The following USHBP1 variants were observed in gnomAD, a reference collection of about 807,000 sequenced individuals.
USHBP1 encodes the protein USH1 protein network component harmonin binding protein 1.
USHBP1 carries 67 observed loss-of-function variants against 76.2 expected under a neutral mutation model. That is an observed-to-expected ratio of 0.88 (90% CI 0.72 to 1.08). The LOEUF (loss-of-function observed/expected upper bound fraction) is 1.08. Among genes scored for constraint, USHBP1 ranks in the 50% least tolerant of loss-of-function variants. The pLI is 0.00. For missense variants in USHBP1, 931 were observed against 915.0 expected, an observed-to-expected ratio of 1.02 and a Z score of -0.23; for synonymous variants, 322 against 362.2, an observed-to-expected ratio of 0.89 and a Z score of 1.26.
chr19:17,264,646 A>C (rs900589304), intron 1 of USHBP1, 25 bp downstream of exon 1: 20 of 339,950 alleles, frequency 5.9e-5, no homozygotes, highest in African/African-American at 3.8e-4. Flanking sequence ...CGGCCCTCCT[A>C]AATGAGAGGT....
intron 10 of USHBP1, among the ~76,000 whole-genome samples, chr19:17,254,943 A>G (rs549813626): frequency 3.3e-5 from 5 of 152,082 alleles, no homozygotes; most frequent in African/African-American, 4.8e-5. Context: ...GCAGGGACAC[A>G]GAATATACAA....
Position 17,251,693 on chromosome 19 carries a change from A to T in USHBP1, c.1811T>A (p.Leu604Gln). Reference sequence around the variant, plus strand: ...GCGCAGAGACTGCAGCTGCTCCTGCAGGTCCAGTGTCCTGTTGCGAAGGAG... The same window carrying T: ...GCGCAGAGACTGCAGCTGCTCCTGCTGGTCCAGTGTCCTGTTGCGAAGGAG... The part of the protein sequence containing the change: ...LAASLTRTLD[L>Q]QEQLQSLRRE... The change falls in exon 12 of 13, where the codon CTG (leucine) becomes CAG (glutamine). Residue 604 changes from leucine to glutamine, a missense_variant. Coordinates refer to ENST00000252597, the MANE Select transcript of USHBP1 (RefSeq NM_031941.4). 1 of 1,613,394 alleles carries T rather than the reference A, an allele frequency of 6.2e-7. No homozygotes were observed. The highest frequency in any genetic ancestry group is 8.5e-7 in the Non-Finnish European group (1 of 1,179,990).
intron 10 of USHBP1, among the ~76,000 whole-genome samples, chr19:17,253,910 G>C: frequency 7.6e-6 from 1 of 131,952 alleles, no homozygotes. Context: ...AAAAAAAAAA[G>C]AAAAAAAAAA....
chr19:17,261,544 C>T (rs181798901), intron 4 of USHBP1, among the ~76,000 whole-genome samples: 1 of 151,570 alleles, frequency 6.6e-6, no homozygotes, highest in Non-Finnish European at 1.5e-5. Context: ...CCGTGTTAGC[C>T]AGGATGGTCT....
At position 17,260,040 on chromosome 19, in the gene USHBP1, G is replaced by T; in HGVS notation, c.643-18C>A. 1 of 1,609,186 alleles carries T rather than the reference G, an allele frequency of 6.2e-7. No individual in the cohort carries two copies. Among genetic ancestry groups the T allele is most frequent in the Non-Finnish European group, 8.5e-7 (1 of 1,176,494 alleles). On this transcript the variant is annotated intron_variant, in intron 4 of 12. Coordinates refer to ENST00000252597, the MANE Select transcript of USHBP1 (RefSeq NM_031941.4). ...TCTTGAACCTGGGAAAGATGAGGGG[G>T]ACGTCAGGCCTAGGGGCTCAAACCA...
At position 17,264,166 on chromosome 19, in the gene USHBP1, G is replaced by A. The variant is rs199944824; in HGVS notation, c.55-16C>T. 196 of 1,612,350 alleles carry A rather than the reference G, an allele frequency of 1.2e-4. No homozygotes were observed. Among genetic ancestry groups the A allele is most frequent in the South Asian group, 2.1e-4 (19 of 90,830 alleles). On this transcript the variant is annotated splice_polypyrimidine_tract_variant and intron_variant, in intron 2 of 12. Coordinates refer to ENST00000252597, the MANE Select transcript of USHBP1 (RefSeq NM_031941.4). ...CCAGTTCACCCTGCAAATGACCCCCGGGGCCCTGCTCTGAGCCAGGCAGGA... is the reference window on the plus strand; with the variant it reads ...CCAGTTCACCCTGCAAATGACCCCCAGGGCCCTGCTCTGAGCCAGGCAGGA...
rs150945909 is a variant in USHBP1, at chr19:17,250,829, C to T, written c.1923-415G>A. On this transcript the variant is annotated intron_variant, in intron 12 of 12. Coordinates refer to ENST00000252597, the MANE Select transcript of USHBP1 (RefSeq NM_031941.4). ...TCAGCCTCCCAAAGTGCTGGGATTA[C>T]AGGCGTGAGCCACCATGCCCAGCCT... 6.6e-3 allele frequency among the ~76,000 whole-genome samples: 1,004 copies of T among 152,192 alleles called. 13 individuals are homozygous for T. Among genetic ancestry groups the T allele is most frequent in the African/African-American group, 0.022 (933 of 41,526 alleles).
intron 7 of USHBP1, 90 bp from the exon 8 acceptor site, chr19:17,258,475 G>A (rs974861657): frequency 1.3e-5 from 18 of 1,435,096 alleles, no homozygotes; most frequent in Middle Eastern, 2.3e-4. Flanking sequence ...TTGGGAGGCT[G>A]AGGCGGGAGG....
At chr19:17,253,332 A>C (rs2073577392) in intron 10 of USHBP1, among the ~76,000 whole-genome samples, 3 of 131,678 alleles carry the variant, frequency 2.3e-5, no homozygotes, top group Non-Finnish European at 3.1e-5. Flanking sequence ...CTCGTCGCCC[A>C]GGCTGGAGTG....
intron 8 of USHBP1, among the ~76,000 whole-genome samples, chr19:17,257,642 C>CAAAAAAAAAAAAAAAAAAAAAA (rs778148447): frequency 2.5e-5 from 1 of 39,574 alleles, no homozygotes; most frequent in Non-Finnish European, 5.0e-5. Context: ...AACTCTGTCT[C>CAAAAAAAAAAAAAAAAAAAAAA]AAAAAAAAAA....
At chr19:17,261,153 C>G (rs74972358) in intron 4 of USHBP1, among the ~76,000 whole-genome samples, 28,483 of 151,832 alleles carry the variant, frequency 0.19, 2,933 homozygotes, top group East Asian at 0.28. Flanking sequence ...GCCCACGAGG[C>G]CCTACGCGAT....
Position 17,264,291 on chromosome 19 carries a change from G to A in USHBP1, c.9C>T (p.Ala3=), listed in dbSNP as rs1271384622. ...GCCGGCTTCGGGGCCGCGTGGCCCG[G>A]GCACTCATTGCTGTCCAGAAGCCAG... MS[A]RATRPRSRRG... Residue 3 remains alanine (A), a synonymous_variant, in exon 2 of 13, where the codon GCC becomes GCT. Transcript: ENST00000252597. 1 of 1,612,386 alleles carries A rather than the reference G, an allele frequency of 6.2e-7. No individual in the cohort carries two copies. The highest frequency in any genetic ancestry group is 1.7e-5 in the Admixed American group (1 of 59,912).
chr19:17,260,144 C>T (rs532317914), intron 4 of USHBP1, 122 bp from the exon 5 acceptor site: 101 of 1,287,090 alleles, frequency 7.8e-5, no homozygotes, highest in Non-Finnish European at 9.6e-5. Flanking sequence ...GGCTTGGATA[C>T]TTAGCCTGCC....
chr19:17,253,894 CAAA>C (rs755318665), intron 10 of USHBP1, among the ~76,000 whole-genome samples: 7 of 87,278 alleles, frequency 8.0e-5, no homozygotes, highest in Non-Finnish European at 9.6e-5. Flanking sequence ...ATCCGTTTCC[CAAA>C]AAAAAAAAAA....
intron 8 of USHBP1, among the ~76,000 whole-genome samples, chr19:17,257,283 G>A (rs1190549189): frequency 1.5e-4 from 21 of 144,712 alleles, no homozygotes; most frequent in African/African-American, 4.3e-4. Flanking sequence ...TGCCCACCTC[G>A]GCCTCCCAAA....
intron 4 of USHBP1, 57 bp from the exon 5 acceptor site, chr19:17,260,079 TC>T (rs1484651965): frequency 3.1e-5 from 49 of 1,569,566 alleles, no homozygotes; most frequent in South Asian, 2.9e-4. Flanking sequence ...ACCAGCCCTC[TC>T]TCCCCAAGGC....
chr19:17,263,430 G>T (rs898911814), intron 3 of USHBP1: 147 of 161,108 alleles, frequency 9.1e-4, no homozygotes, highest in African/African-American at 3.2e-3. Context: ...TCTGGGACTG[G>T]CATCCCAGGG....
chr19:17,258,087 T>G (rs2073642026), intron 8 of USHBP1, 125 bp downstream of exon 8: 1 of 1,347,870 alleles, frequency 7.4e-7, no homozygotes, highest in Admixed American at 1.9e-5. Context: ...TACAGTGAGC[T>G]CCATACCGAC....
Position 17,255,410 on chromosome 19 carries a change from C to T in USHBP1, c.1667G>A (p.Ser556Asn). The T allele has an allele frequency of 1.2e-6, 2 of 1,614,160 alleles. No individual in the cohort carries two copies. Among genetic ancestry groups the T allele is most frequent in the Non-Finnish European group, 1.7e-6 (2 of 1,179,992 alleles). Reference protein sequence around the residue: ...SGGHSSGGGSSGDEEEWYQGL... With the variant: ...SGGHSSGGGSNGDEEEWYQGL... ...CTGATACCACTCTTCCTCGTCCCCG[C>T]TGCTGCCACCTCCGCTGCTATGTCC... Residue 556 changes from serine (S) to asparagine (N), a missense_variant, in exon 10 of 13, where the codon AGC becomes AAC. Transcript: ENST00000252597.
Sources: gnomAD v4.1 joint callset for allele counts (sites outside exome capture counted in the v4.1 genomes callset) on GRCh38, gnomAD v4.1.1 for gene constraint, MANE v1.5 for transcripts, NCBI Gene and HGNC (gene_info 2026-07-23, HGNC 2026-07-21) for gene names.